Variants in DLG2 observed in about 807,000 individuals in gnomAD.
DLG2 encodes disks large homolog 2.
A neutral mutation model predicts 132.5 loss-of-function variants in DLG2; 45 were observed. That is an observed-to-expected ratio of 0.34 (90% confidence interval 0.27 to 0.44). The LOEUF (loss-of-function observed/expected upper bound fraction) is 0.44, where lower values mean the gene tolerates loss of function less well. Ranked by LOEUF, DLG2 falls within the 20% of genes least tolerant of loss-of-function variation. The pLI is 1.00. For missense variants in DLG2, 1,045 were observed against 1,196.9 expected (o/e 0.87, Z 1.87); for synonymous variants, 424 against 419.6 (o/e 1.01, Z -0.13).
chr11:84,380,935 C>T, intron 7 of DLG2, among the ~76,000 whole-genome samples: 1 of 151,848 alleles, frequency 6.6e-6, no homozygotes, highest in Admixed American at 6.6e-5. Flanking sequence ...GGACTGTGAT[C>T]CATGGAATCT....
intron 4 of DLG2, among the ~76,000 whole-genome samples, chr11:85,164,169 C>T (rs2078250097): frequency 6.6e-6 from 1 of 152,078 alleles, no homozygotes; most frequent in South Asian, 2.1e-4. Context: ...CTCTTTCTGA[C>T]ACAAATATCT....
At chr11:84,805,531 A>G (rs974111598) in intron 6 of DLG2, among the ~76,000 whole-genome samples, 1 of 152,152 alleles carries the variant, frequency 6.6e-6, no homozygotes, top group Non-Finnish European at 1.5e-5. Flanking sequence ...CTTATGAATG[A>G]CTTAGCACCA....
intron 18 of DLG2, among the ~76,000 whole-genome samples, chr11:83,753,904 T>TA (rs2093532362): frequency 1.6e-5 from 2 of 126,048 alleles, no homozygotes; most frequent in African/African-American, 6.6e-5. Context: ...ATATATATAT[T>TA]TCATATATAT....
intron 4 of DLG2, among the ~76,000 whole-genome samples, chr11:85,228,400 C>T (rs2075100588): frequency 6.6e-6 from 1 of 152,022 alleles, no homozygotes; most frequent in South Asian, 2.1e-4. Flanking sequence ...TGGAAGCAAG[C>T]ATAAGAGAGA....
intron 7 of DLG2, among the ~76,000 whole-genome samples, chr11:84,513,331 A>G (rs2099262682): frequency 6.6e-6 from 1 of 152,068 alleles, no homozygotes; most frequent in South Asian, 2.1e-4. Flanking sequence ...TAGAAAAAAG[A>G]CAATCCTAAA....
intron 9 of DLG2, among the ~76,000 whole-genome samples, chr11:84,150,494 T>C (rs545507944): frequency 6.6e-6 from 1 of 152,344 alleles, no homozygotes; most frequent in Non-Finnish European, 1.5e-5. Flanking sequence ...TTTTGCTAGA[T>C]AGAGAAACAT....
chr11:83,696,156 A>G (rs764520040), intron 18 of DLG2, among the ~76,000 whole-genome samples: 1 of 152,088 alleles, frequency 6.6e-6, no homozygotes, highest in African/African-American at 2.4e-5. Context: ...AACAGTTAGG[A>G]GGCAATGGCA....
At chr11:84,784,361 TA>T (rs1301243551) in intron 6 of DLG2, among the ~76,000 whole-genome samples, 5 of 147,812 alleles carry the variant, frequency 3.4e-5, no homozygotes, top group African/African-American at 1.0e-4. Context: ...AATAAATAAA[TA>T]AATAAATTAA....
chr11:84,002,638 GCACCAAGTC>G (rs1366327810), intron 11 of DLG2, among the ~76,000 whole-genome samples: 2 of 152,098 alleles, frequency 1.3e-5, no homozygotes, highest in African/African-American at 4.8e-5. Flanking sequence ...GGAATGCAGG[GCACCAAGTC>G]CAGAGATTTC....
chr11:85,491,846 C>T (rs987450469), intron 3 of DLG2, among the ~76,000 whole-genome samples: 5 of 151,954 alleles, frequency 3.3e-5, no homozygotes, highest in African/African-American at 7.2e-5. Flanking sequence ...AGAGACAATG[C>T]AATCACTGTC....
chr11:84,578,138 AT>A (rs1316014204), intron 6 of DLG2, among the ~76,000 whole-genome samples: 1 of 152,194 alleles, frequency 6.6e-6, no homozygotes, highest in Non-Finnish European at 1.5e-5. Flanking sequence ...AAATGACTGG[AT>A]GCCTGGGCAA....
At chr11:83,729,813 T>C (rs1284358662) in intron 18 of DLG2, among the ~76,000 whole-genome samples, 1 of 152,204 alleles carries the variant, frequency 6.6e-6, no homozygotes, top group African/African-American at 2.4e-5. Context: ...TGAATCTGAG[T>C]TGCCCATTTC....
At chr11:85,319,219 C>T (rs936008670) in intron 3 of DLG2, among the ~76,000 whole-genome samples, 3 of 151,718 alleles carry the variant, frequency 2.0e-5, no homozygotes, top group African/African-American at 7.2e-5. Context: ...GACTTATAAC[C>T]TTAGAAACAA....
intron 6 of DLG2, among the ~76,000 whole-genome samples, chr11:84,682,826 C>T (rs949578310): frequency 6.6e-6 from 1 of 152,162 alleles, no homozygotes. Flanking sequence ...TTGCTCTGAT[C>T]TCACACCCTT....
At chr11:84,507,252 T>A (rs2099243986) in intron 7 of DLG2, among the ~76,000 whole-genome samples, 1 of 152,084 alleles carries the variant, frequency 6.6e-6, no homozygotes. Flanking sequence ...GGAGAAACAG[T>A]TAAAAGAGTC....
chr11:83,925,882 T>C lies in DLG2; in HGVS notation c.1496+4446A>G, dbSNP rs192033912. 8.5e-5 allele frequency among the ~76,000 whole-genome samples: 13 copies of C among 152,170 alleles called. No individual in the cohort carries two copies. In the East Asian group the frequency reaches 2.5e-3, roughly 29 times the overall value. ...TACTCTCCCAAAGTAGAAAAACCAATTAAAACATCAAAATTACCTTTTTTC... is the reference window on the plus strand; with the variant it reads ...TACTCTCCCAAAGTAGAAAAACCAACTAAAACATCAAAATTACCTTTTTTC... On this transcript the variant is annotated intron_variant, in intron 15 of 27. Transcript: ENST00000376104.
chr11:85,292,837 T>C (rs1202454176), intron 3 of DLG2, among the ~76,000 whole-genome samples: 1 of 151,924 alleles, frequency 6.6e-6, no homozygotes, highest in Non-Finnish European at 1.5e-5. Flanking sequence ...TTTTCCTCTA[T>C]TAAAAAGAAC....
intron 18 of DLG2, among the ~76,000 whole-genome samples, chr11:83,768,844 A>G (rs2094257219): frequency 6.6e-6 from 1 of 152,230 alleles, no homozygotes; most frequent in Admixed American, 6.5e-5. Flanking sequence ...TTGGCAGTTA[A>G]GATCTGGCTG....
chr11:85,089,530 T>C (rs1030783144), intron 6 of DLG2, among the ~76,000 whole-genome samples: 10 of 152,206 alleles, frequency 6.6e-5, no homozygotes, highest in African/African-American at 2.4e-4. Flanking sequence ...CAGTCCACTG[T>C]TGATGGACAC....
Sources: allele counts gnomAD v4.1 joint callset (sites outside exome capture counted in the v4.1 genomes callset), GRCh38; gene constraint gnomAD v4.1.1; transcripts MANE v1.5; gene names NCBI Gene and HGNC (gene_info 2026-07-23, HGNC 2026-07-21).